Variants in CNTROB observed in about 807,000 individuals in gnomAD.
The protein encoded by CNTROB is centrobin, centriole duplication and spindle assembly protein, also known as centrobin.
A neutral mutation model predicts 115.7 loss-of-function variants in CNTROB; 82 were observed. The observed-to-expected ratio is 0.71, with a 90% CI of 0.59 to 0.85. CNTROB has a LOEUF of 0.85. CNTROB is among the 40% of genes least tolerant of loss of function. The pLI, the probability that CNTROB is intolerant of heterozygous loss-of-function variation, is 0.00. For missense variants in CNTROB, 1,014 were observed against 1,144.4 expected, an observed-to-expected ratio of 0.89 and a Z score of 1.64; for synonymous variants, 439 against 456.4, an observed-to-expected ratio of 0.96 and a Z score of 0.49.
chr17:7,935,267 G>T, intron 4 of CNTROB, 122 bp downstream of exon 4: 1 of 1,444,136 alleles, frequency 6.9e-7, no homozygotes, highest in African/African-American at 1.4e-5. Flanking sequence ...ACTTTGGGAG[G>T]CTGAGGCAGG....
intron 6 of CNTROB, 115 bp downstream of exon 6, chr17:7,936,932 G>A: frequency 1.3e-6 from 1 of 747,494 alleles, no homozygotes; most frequent in East Asian, 2.5e-5. Flanking sequence ...GTCTTGTAGT[G>A]GCTGTCCTGA....
At chr17:7,937,136 C>G in intron 6 of CNTROB, 28 bp from the exon 7 acceptor site, 1 of 1,612,498 alleles carries the variant, frequency 6.2e-7, no homozygotes, top group East Asian at 2.2e-5. Flanking sequence ...CACAGTTCCT[C>G]TGCCCTGTAT....
At chr17:7,940,036 T>C in intron 8 of CNTROB, 60 bp from the exon 9 acceptor site, 2 of 1,504,558 alleles carry the variant, frequency 1.3e-6, no homozygotes, top group South Asian at 1.3e-5. Context: ...AACTGGGGAG[T>C]GTAGGTAACC....
In CNTROB at chr17:7,939,510, T is replaced by C. The variant is rs746990006; in HGVS notation, c.928-3T>C. 4.3e-6 allele frequency: 7 copies of C among 1,613,180 alleles called. No individual in the cohort carries two copies. In the Admixed American group the frequency reaches 1.2e-4, roughly 27 times the overall value. ...GGAGCTTGGTTTTCTTCTGCGGCTG[T>C]AGGAGGAGGAAAGGCAAGCTCTGAC... is the stretch of plus-strand genomic sequence containing the variant. On this transcript the variant is annotated splice_region_variant and splice_polypyrimidine_tract_variant and intron_variant, in intron 7 of 18. Transcript: ENST00000563694. The surrounding 1 kb of genome is among the most constrained non-coding windows in gnomAD (Gnocchi z 4.4).
In CNTROB at chr17:7,937,172, C is replaced by G. The variant is rs1162409068; in HGVS notation, c.837C>G (p.Thr279=). Residue 279 remains threonine, a synonymous_variant, in exon 7 of 19, where the codon ACC becomes ACG. Coordinates refer to ENST00000563694, the MANE Select transcript of CNTROB (RefSeq NM_053051.5). ...LTRSKQQETV[T]RLEQSLSEAM... is the part of the protein sequence containing the mutation. ...TCCTCTCTTCCTGAAAGACAGTAAC[C>G]CGCCTGGAACAAAGCCTTTCTGAGG... 2 of 1,614,150 alleles carry G rather than the reference C, an allele frequency of 1.2e-6. No homozygotes were observed. Among genetic ancestry groups the G allele is most frequent in the Admixed American group, 3.3e-5 (2 of 60,028 alleles).
At chr17:7,947,805 G>C in intron 14 of CNTROB, 83 bp downstream of exon 14, 2 of 1,606,246 alleles carry the variant, frequency 1.2e-6, no homozygotes, top group Non-Finnish European at 1.7e-6. Flanking sequence ...CCAGGACTCT[G>C]GCCTCATTCC....
At position 7,934,983 on chromosome 17, in the gene CNTROB, G is replaced by T. The variant is rs779634918; in HGVS notation, c.438-6G>T. ...AGCCCTAACATTCTCTACCTGATTT[G>T]CTCAGCACCCGGCCCCTGCAAGACT... On this transcript the variant is annotated splice_polypyrimidine_tract_variant and splice_region_variant and intron_variant, in intron 3 of 18. Coordinates refer to ENST00000563694, the MANE Select transcript of CNTROB (RefSeq NM_053051.5). 1.9e-6 allele frequency: 3 copies of T among 1,574,594 alleles called. No homozygotes were observed. The highest frequency in any genetic ancestry group is 1.2e-5 in the South Asian group (1 of 85,656).
In CNTROB at chr17:7,944,314, G is replaced by A. The variant is rs1420054842; in HGVS notation, c.1571+66G>A. ...TTCCCATGGGTAGAGCCCAAACTGG[G>A]AACGGTGAAGAGCTGCTCCCTTGAT... is the stretch of plus-strand genomic sequence containing the variant. On this transcript the variant is annotated intron_variant, in intron 11 of 18. Transcript: ENST00000563694. This position sits in a 1 kb window ranked among gnomAD's most constrained non-coding sequence, Gnocchi z 4.0. 6.3e-7 allele frequency: 1 copy of A among 1,579,730 alleles called. No homozygotes were observed. The highest frequency in any genetic ancestry group is 1.7e-5 in the Admixed American group (1 of 59,980).
At chr17:7,933,399 T>A (rs761421218) in intron 1 of CNTROB, 50 bp downstream of exon 1, 2 of 1,538,550 alleles carry the variant, frequency 1.3e-6, no homozygotes, top group Non-Finnish European at 1.8e-6. Context: ...CACCAGAGAG[T>A]CTTGGGATTG....
chr17:7,945,711 G>A lies in CNTROB; in HGVS notation c.1735-17G>A. On this transcript the variant is annotated splice_polypyrimidine_tract_variant and intron_variant, in intron 12 of 18. Coordinates refer to ENST00000563694, the MANE Select transcript of CNTROB (RefSeq NM_053051.5). ...CTACTGTGCTTTGACCCTTCTTTCT[G>A]CCTCTCTCCTGGTCAGGCTCCTCCT... 2 of 1,610,136 alleles carry A rather than the reference G, an allele frequency of 1.2e-6. No homozygotes were observed. Among genetic ancestry groups the A allele is most frequent in the Admixed American group, 1.7e-5 (1 of 59,308 alleles).
At position 7,947,733 on chromosome 17, in the gene CNTROB, T is replaced by C; in HGVS notation, c.2145+11T>C. The C allele has an allele frequency of 1.2e-6, 2 of 1,607,522 alleles. No individual in the cohort carries two copies. The highest frequency in any genetic ancestry group is 1.3e-5 in the African/African-American group (1 of 74,860). ...AATTTTTTGCACCAGGTAAGAGAGA[T>C]TCCACCCAGACTAGCTCACTTTCTT... On this transcript the variant is annotated intron_variant, in intron 14 of 18. Coordinates refer to ENST00000563694, the MANE Select transcript of CNTROB (RefSeq NM_053051.5).
rs1162502481 is a variant in CNTROB, at chr17:7,933,031, C to T, written c.-49C>T. ...CTTTTCCTCCTGGACTTTGCTAAAG[C>T]AGAACCTCCCAGCTCTTTGCTGTCT... On this transcript the variant is annotated 5_prime_UTR_variant, in exon 1 of 19. Transcript: ENST00000563694. 4 of 1,583,650 alleles carry T rather than the reference C, an allele frequency of 2.5e-6. No homozygotes were observed. The highest frequency in any genetic ancestry group is 2.7e-5 in the African/African-American group (2 of 73,732).
Position 7,939,672 on chromosome 17 carries a change from G to A in CNTROB, c.1087G>A (p.Ala363Thr), listed in dbSNP as rs762203046. 14 of 1,614,112 alleles carry A rather than the reference G, an allele frequency of 8.7e-6. No individual in the cohort carries two copies. Among genetic ancestry groups the A allele is most frequent in the Non-Finnish European group, 5.1e-6 (6 of 1,180,018 alleles). The part of the protein sequence containing the change: ...AALEEERQTW[A>T]QQEHQLKEHY... ...CCTAGAAGAAGAACGGCAGACCTGGGCCCAGCAAGAGCACCAGCTTAAGGA... is the reference window on the plus strand; with the variant it reads ...CCTAGAAGAAGAACGGCAGACCTGGACCCAGCAAGAGCACCAGCTTAAGGA... The change falls in exon 8 of 19, where the codon GCC becomes ACC. Residue 363 changes from alanine to threonine, a missense_variant. Coordinates refer to ENST00000563694, the MANE Select transcript of CNTROB (RefSeq NM_053051.5). The surrounding 1 kb of genome is among the most constrained non-coding windows in gnomAD (Gnocchi z 4.4).
intron 4 of CNTROB, chr17:7,935,868 C>G (rs1973112093): frequency 6.1e-6 from 1 of 164,784 alleles, no homozygotes; most frequent in South Asian, 1.5e-4. Flanking sequence ...GAGCCTCTGC[C>G]TTAGTGTCTG....
Position 7,939,605 on chromosome 17 carries a change from G to A in CNTROB, c.1020G>A (p.Gly340=), listed in dbSNP as rs754969156. 2.3e-5 allele frequency: 37 copies of A among 1,614,050 alleles called. No individual in the cohort carries two copies. The highest frequency in any genetic ancestry group is 1.4e-5 in the Non-Finnish European group (17 of 1,180,016). ...LQEERDAARA[G]QLSEHRELET... ...AAGAGCGGGATGCAGCTCGGGCTGG[G>A]CAACTGAGTGAGCATCGAGAGTTGG... Residue 340 remains glycine, a synonymous_variant, in exon 8 of 19, where the codon GGG becomes GGA. Transcript: ENST00000563694. This position sits in a 1 kb window ranked among gnomAD's most constrained non-coding sequence, Gnocchi z 4.4.
chr17:7,938,418 A>G (rs1443279490), intron 7 of CNTROB, among the ~76,000 whole-genome samples: 1 of 152,028 alleles, frequency 6.6e-6, no homozygotes, highest in Non-Finnish European at 1.5e-5. Flanking sequence ...GCATGCTGGT[A>G]CTTGTAGTCT....
chr17:7,945,705 C>T (rs907945711), intron 12 of CNTROB, 23 bp from the exon 13 acceptor site: 1 of 1,608,314 alleles, frequency 6.2e-7, no homozygotes, highest in African/African-American at 1.3e-5. Flanking sequence ...TTTGACCCTT[C>T]TTTCTGCCTC....
chr17:7,948,466 G>T lies in CNTROB; in HGVS notation c.2381-21G>T. ...AGACAGGCCCTAGGATGACGCCTGT[G>T]ATTATTGCGATGTCTGTCAGGTGGA... On this transcript the variant is annotated intron_variant, in intron 16 of 18. Transcript: ENST00000563694. This position sits in a 1 kb window ranked among gnomAD's most constrained non-coding sequence, Gnocchi z 4.4. 1 of 1,614,070 alleles carries T rather than the reference G, an allele frequency of 6.2e-7. No individual in the cohort carries two copies. The highest frequency in any genetic ancestry group is 1.1e-5 in the South Asian group (1 of 91,070).
chr17:7,937,154 T>C lies in CNTROB; in HGVS notation c.829-10T>C, dbSNP rs775361977. 7 of 1,614,114 alleles carry C rather than the reference T, an allele frequency of 4.3e-6. 1 individual carries two copies. In the South Asian group the frequency reaches 6.6e-5, roughly 15 times the overall value. ...AGTTCCTCTGCCCTGTATTCCTCTC[T>C]TCCTGAAAGACAGTAACCCGCCTGG... is the stretch of plus-strand genomic sequence containing the variant. On this transcript the variant is annotated splice_polypyrimidine_tract_variant and intron_variant, in intron 6 of 18. Coordinates refer to ENST00000563694, the MANE Select transcript of CNTROB (RefSeq NM_053051.5).
Sources: gnomAD v4.1 joint callset for allele counts (sites outside exome capture counted in the v4.1 genomes callset) on GRCh38, gnomAD v4.1.1 for gene constraint, Gnocchi (gnomAD v3.1) non-coding constraint, MANE v1.5 for transcripts, NCBI Gene and HGNC (gene_info 2026-07-23, HGNC 2026-07-21) for gene names.